The following RFTN1 variants were observed in gnomAD, a reference collection of about 807,000 sequenced individuals.
RFTN1 encodes raftlin, lipid raft linker 1.
Under a neutral mutation model 46.5 loss-of-function variants are expected in RFTN1, and 26 were observed. The observed-to-expected ratio is 0.56, with a 90% confidence interval of 0.41 to 0.78. RFTN1 has a LOEUF of 0.78. RFTN1 is among the 30% of genes least tolerant of loss of function. The pLI, the probability that RFTN1 is intolerant of heterozygous loss-of-function variation, is 0.00. For missense variants in RFTN1, 693 were observed against 718.7 expected (o/e 0.96, Z 0.41); for synonymous variants, 261 against 284.2 (o/e 0.92, Z 0.82).
chr3:16,345,817 T>TGTGTGTGC lies in RFTN1; in HGVS notation c.1146+12114_1146+12115insGCACACAC, dbSNP rs1160939614. ...GTGTGTGTGTGTGTGTGTGTGTGTG[T>TGTGTGTGC]GCGCGCGCGCGTGCGCGCACGCGCA... On this transcript the variant is annotated intron_variant, in intron 7 of 9. Coordinates refer to ENST00000334133, the MANE Select transcript of RFTN1 (RefSeq NM_015150.2). This position sits in a 1 kb window ranked among gnomAD's most constrained non-coding sequence, Gnocchi z 5.2. Among the ~76,000 whole-genome samples the TGTGTGTGC allele has an allele frequency of 1.5e-3, 115 of 74,604 alleles. 2 individuals are homozygous for TGTGTGTGC. In the East Asian group the frequency reaches 0.024, roughly 16 times the overall value. The allele number at this position is 74,604 out of a possible 152,430, so 48.9% of individuals were successfully genotyped here. A position where few individuals can be genotyped will look rare whatever the true frequency, so the allele number is the denominator to read the frequency against.
intron 7 of RFTN1, among the ~76,000 whole-genome samples, chr3:16,355,891 G>A (rs775546968): frequency 1.3e-5 from 2 of 152,154 alleles, no homozygotes; most frequent in Non-Finnish European, 2.9e-5. Flanking sequence ...GAACCACAGA[G>A]CCCTCCCTTA....
Position 16,341,221 on chromosome 3 carries a change from A to G in RFTN1, c.1147-14345T>C, listed in dbSNP as rs1002205514. 1.3e-5 allele frequency among the ~76,000 whole-genome samples: 2 copies of G among 152,244 alleles called. No individual in the cohort carries two copies. Among genetic ancestry groups the G allele is most frequent in the African/African-American group, 2.4e-5 (1 of 41,470 alleles). Reference sequence around the variant, plus strand: ...CACTGTGGTGGGGACGCAAAATAGTACAGCCACTACAGAAGACAGTTTGGC... The same window carrying G: ...CACTGTGGTGGGGACGCAAAATAGTGCAGCCACTACAGAAGACAGTTTGGC... On this transcript the variant is annotated intron_variant, in intron 7 of 9. Coordinates refer to ENST00000334133, the MANE Select transcript of RFTN1 (RefSeq NM_015150.2). This position sits in a 1 kb window ranked among gnomAD's most constrained non-coding sequence, Gnocchi z 4.7.
Position 16,317,130 on chromosome 3 carries a change from T to C in RFTN1, c.1435A>G (p.Lys479Glu), listed in dbSNP as rs776886485. 10 of 1,613,802 alleles carry C rather than the reference T, an allele frequency of 6.2e-6. No homozygotes were observed. In the Admixed American group the frequency reaches 1.7e-4, roughly 27 times the overall value. ...RDKQQAEENE[K>E]NLEDQSSKAG... The stretch of plus-strand genomic sequence containing the variant: ...TTGGAAGACTGGTCTTCTAAGTTCT[T>C]CTCATTTTCTTCTGCTTGTTGTTTG... Residue 479 changes from lysine (K) to glutamate (E), a missense_variant, in exon 10 of 10, where the codon AAG (lysine) becomes GAG (glutamate). Physicochemically the swap from Lys to Glu is moderately conservative, Grantham distance 56 (BLOSUM62 1). Transcript: ENST00000334133. This position sits in a 1 kb window ranked among gnomAD's most constrained non-coding sequence, Gnocchi z 4.3.
Position 16,320,263 on chromosome 3 carries a change from G to A in RFTN1, c.1333-3031C>T, listed in dbSNP as rs766006449. On this transcript the variant is annotated intron_variant, in intron 9 of 9. Transcript: ENST00000334133. The surrounding 1 kb of genome is among the most constrained non-coding windows in gnomAD (Gnocchi z 4.5). The stretch of plus-strand genomic sequence containing the variant: ...TATTTGCCTTGAAAATCACACGCAC[G>A]TACACAGAGGTTTCTTTCCAATGCT... Among the ~76,000 whole-genome samples the A allele has an allele frequency of 3.3e-5, 5 of 152,182 alleles. No homozygotes were observed. The highest frequency in any genetic ancestry group is 2.9e-5 in the Non-Finnish European group (2 of 68,040).
chr3:16,456,301 G>C (rs13096896), intron 2 of RFTN1, among the ~76,000 whole-genome samples: 23,026 of 152,052 alleles, frequency 0.15, 2,231 homozygotes, highest in Non-Finnish European at 0.22. Flanking sequence ...AGAATGCCTA[G>C]CAAGTTAGAA....
At chr3:16,350,099 T>C (rs752372321) in intron 7 of RFTN1, 2 of 152,222 alleles carry the variant, frequency 1.3e-5, no homozygotes, top group Admixed American at 6.5e-5. Flanking sequence ...GTGAGTACTA[T>C]AGCCCAACAA....
In RFTN1 at chr3:16,317,350, A is replaced by G; in HGVS notation, c.1333-118T>C. The G allele has an allele frequency of 9.1e-7, 1 of 1,102,096 alleles. No individual in the cohort carries two copies. The highest frequency in any genetic ancestry group is 1.3e-6 in the Non-Finnish European group (1 of 768,834). The allele number at this position is 1,102,096 out of a possible 1,614,324, so 68.3% of individuals were successfully genotyped here. On this transcript the variant is annotated intron_variant, in intron 9 of 9. Transcript: ENST00000334133. The surrounding 1 kb of genome is among the most constrained non-coding windows in gnomAD (Gnocchi z 4.3). ...CTGAGTGAGACATACAATTCCCAGC[A>G]TCCCCCAGCCAGGCAGTACAGGCAC...
At chr3:16,377,579 T>TA in intron 5 of RFTN1, 139 bp downstream of exon 5, 1 of 1,367,308 alleles carries the variant, frequency 7.3e-7, no homozygotes, top group Non-Finnish European at 9.7e-7. Context: ...AACTGCTTGA[T>TA]AAAGTTTCTC....
chr3:16,339,780 T>G (rs144087982), intron 7 of RFTN1: 2 of 152,338 alleles, frequency 1.3e-5, no homozygotes, highest in Non-Finnish European at 2.9e-5. Flanking sequence ...GGCAAGGAGT[T>G]TATCTTGTTC....
chr3:16,510,661 A>T (rs2076882349), intron 1 of RFTN1, among the ~76,000 whole-genome samples: 1 of 152,300 alleles, frequency 6.6e-6, no homozygotes, highest in Middle Eastern at 3.4e-3. Context: ...TCATACTTGT[A>T]TTCTTTGCTG....
At position 16,402,649 on chromosome 3, in the gene RFTN1, T is replaced by G. The variant is rs1490672256; in HGVS notation, c.441+6726A>C. On this transcript the variant is annotated intron_variant, in intron 4 of 9. Transcript: ENST00000334133. The surrounding 1 kb of genome is among the most constrained non-coding windows in gnomAD (Gnocchi z 4.5). Reference sequence around the variant, plus strand: ...GAAAGTAAATGATGAGTCATTTACATAACAGGCAAAATTTCATCATCCCGG... The same window carrying G: ...GAAAGTAAATGATGAGTCATTTACAGAACAGGCAAAATTTCATCATCCCGG... 6.6e-6 allele frequency among the ~76,000 whole-genome samples: 1 copy of G among 152,192 alleles called. No individual in the cohort carries two copies. Among genetic ancestry groups the G allele is most frequent in the African/African-American group, 2.4e-5 (1 of 41,432 alleles).
At chr3:16,444,454 C>A (rs1288858657) in intron 2 of RFTN1, among the ~76,000 whole-genome samples, 4 of 152,152 alleles carry the variant, frequency 2.6e-5, no homozygotes, top group African/African-American at 9.7e-5. Flanking sequence ...CAAAGATGTG[C>A]ATGTTAGGTA....
At chr3:16,511,302 A>G (rs2125018820) in intron 1 of RFTN1, among the ~76,000 whole-genome samples, 1 of 152,348 alleles carries the variant, frequency 6.6e-6, no homozygotes, top group South Asian at 2.1e-4. Flanking sequence ...AGGAAACCAT[A>G]AGCACATATT....
chr3:16,359,363 G>T (rs2072682336), intron 6 of RFTN1, among the ~76,000 whole-genome samples: 1 of 152,094 alleles, frequency 6.6e-6, no homozygotes, highest in Non-Finnish European at 1.5e-5. Flanking sequence ...TTCGTATGTT[G>T]AAGCCCTAAC....
Position 16,383,720 on chromosome 3 carries a change from G to A in RFTN1, c.442-5618C>T, listed in dbSNP as rs1274723229. On this transcript the variant is annotated intron_variant, in intron 4 of 9. Transcript: ENST00000334133. This position sits in a 1 kb window ranked among gnomAD's most constrained non-coding sequence, Gnocchi z 4.0. ...AATCGGGGTGAGAAATCAGAAAGAAGTGAGACACAGGTTGGATTTCATAAA... is the reference window on the plus strand; with the variant it reads ...AATCGGGGTGAGAAATCAGAAAGAAATGAGACACAGGTTGGATTTCATAAA... Among the ~76,000 whole-genome samples, 1 of 152,176 alleles carries A rather than the reference G, an allele frequency of 6.6e-6. No individual in the cohort carries two copies. Among genetic ancestry groups the A allele is most frequent in the Admixed American group, 6.5e-5 (1 of 15,274 alleles).
intron 2 of RFTN1, among the ~76,000 whole-genome samples, chr3:16,444,055 C>A (rs2075682436): frequency 6.6e-6 from 1 of 152,154 alleles, no homozygotes; most frequent in Non-Finnish European, 1.5e-5. Context: ...ATATTTCATA[C>A]ATTTAAAAGT....
chr3:16,402,114 C>T lies in RFTN1; in HGVS notation c.441+7261G>A, dbSNP rs1023234752. ...CATCCCCATTCTCATCACCTCTCTG[C>T]CCCCAGGGCTCCTCATGCTGTGTTC... On this transcript the variant is annotated intron_variant, in intron 4 of 9. Coordinates refer to ENST00000334133, the MANE Select transcript of RFTN1 (RefSeq NM_015150.2). The surrounding 1 kb of genome is among the most constrained non-coding windows in gnomAD (Gnocchi z 4.5). Among the ~76,000 whole-genome samples, 8 of 152,210 alleles carry T rather than the reference C, an allele frequency of 5.3e-5. 1 individual carries two copies. In the East Asian group the frequency reaches 1.3e-3, roughly 26 times the overall value.
rs1426297116 is a variant in RFTN1, at chr3:16,320,757, T to C, written c.1332+2619A>G. ...GAAGAACTGGAGGCCACAGAGGAGC[T>C]GGAGGCCACAGAGAATGGGAGGCTG... On this transcript the variant is annotated intron_variant, in intron 9 of 9. Coordinates refer to ENST00000334133, the MANE Select transcript of RFTN1 (RefSeq NM_015150.2). This position sits in a 1 kb window ranked among gnomAD's most constrained non-coding sequence, Gnocchi z 4.5. Among the ~76,000 whole-genome samples, 1 of 152,100 alleles carries C rather than the reference T, an allele frequency of 6.6e-6. No homozygotes were observed. The highest frequency in any genetic ancestry group is 1.5e-5 in the Non-Finnish European group (1 of 67,996).
At chr3:16,362,635 C>G (rs777937758) in intron 6 of RFTN1, among the ~76,000 whole-genome samples, 1 of 152,220 alleles carries the variant, frequency 6.6e-6, no homozygotes, top group East Asian at 1.9e-4. Context: ...ACACAGCACA[C>G]ATTTCCTCAA....
Sources: allele counts gnomAD v4.1 joint callset (sites outside exome capture counted in the v4.1 genomes callset), GRCh38; gene constraint gnomAD v4.1.1; non-coding constraint Gnocchi (gnomAD v3.1); transcripts MANE v1.5; gene names NCBI Gene and HGNC (gene_info 2026-07-23, HGNC 2026-07-21).